Variants in CFAP20DC observed in about 807,000 individuals in gnomAD.
The protein encoded by CFAP20DC is protein CFAP20DC.
A neutral mutation model predicts 101.7 loss-of-function variants in CFAP20DC; 84 were observed. The ratio of observed to expected loss-of-function variants is 0.83; its 90% CI spans 0.69 to 0.99. The LOEUF is 0.99. Among genes scored for constraint, CFAP20DC ranks in the 50% least tolerant of loss-of-function variants. The pLI is 0.00. For synonymous variants in CFAP20DC, 359 were observed against 351.2 expected, an observed-to-expected ratio of 1.02 and a Z score of -0.25; for missense variants, 1,007 against 970.3, an observed-to-expected ratio of 1.04 and a Z score of -0.50.
rs528186680 is a variant in CFAP20DC, at chr3:58,761,842, C to T, written c.2238-7979G>A. ...GTTGTTCAGTTTCCATGTAGTTGAGCGGTTTTGAGTGAGTTTCTTAATCCT... is the reference window on the plus strand; with the variant it reads ...GTTGTTCAGTTTCCATGTAGTTGAGTGGTTTTGAGTGAGTTTCTTAATCCT... On this transcript the variant is annotated intron_variant, in intron 15 of 16. Coordinates refer to ENST00000482387, the MANE Select transcript of CFAP20DC (RefSeq NM_001394063.1). Among the ~76,000 whole-genome samples the T allele has an allele frequency of 1.5e-3, 221 of 152,066 alleles. 1 individual carries two copies. The highest frequency in any genetic ancestry group is 0.014 in the Middle Eastern group (4 of 294).
chr3:58,946,335 T>G (rs1362504152), intron 4 of CFAP20DC, among the ~76,000 whole-genome samples: 1 of 151,964 alleles, frequency 6.6e-6, no homozygotes, highest in Non-Finnish European at 1.5e-5. Flanking sequence ...CAGGCTGGTC[T>G]CGAACTCCTG....
Position 58,914,242 on chromosome 3 carries a change from C to T in CFAP20DC, c.394-378G>A, listed in dbSNP as rs75182691. Reference sequence around the variant, plus strand: ...GTAGCCAATTGTTCCTTCAAGGGGACTAATTTGATCACAATTAGCCACTCG... The same window carrying T: ...GTAGCCAATTGTTCCTTCAAGGGGATTAATTTGATCACAATTAGCCACTCG... On this transcript the variant is annotated intron_variant, in intron 5 of 16. Coordinates refer to ENST00000482387, the MANE Select transcript of CFAP20DC (RefSeq NM_001394063.1). The surrounding 1 kb of genome is among the most constrained non-coding windows in gnomAD (Gnocchi z 4.9). Among the ~76,000 whole-genome samples, 31 of 152,200 alleles carry T rather than the reference C, an allele frequency of 2.0e-4. No homozygotes were observed. The highest frequency in any genetic ancestry group is 7.5e-4 in the African/African-American group (31 of 41,528).
chr3:58,946,096 G>T (rs2089317340), intron 4 of CFAP20DC, among the ~76,000 whole-genome samples: 1 of 149,190 alleles, frequency 6.7e-6, no homozygotes, highest in Admixed American at 6.7e-5. Context: ...TCTTTTACTG[G>T]TTTCTCAACT....
chr3:58,862,435 G>A (rs1460759254), intron 12 of CFAP20DC: 2 of 985,164 alleles, frequency 2.0e-6, no homozygotes, highest in Non-Finnish European at 1.2e-6. Flanking sequence ...CACTATTTAT[G>A]TATAAAAGGA....
chr3:58,782,377 C>A (rs1453512185), intron 15 of CFAP20DC, among the ~76,000 whole-genome samples: 2 of 151,954 alleles, frequency 1.3e-5, no homozygotes, highest in Admixed American at 6.6e-5. Context: ...TAGAACAAGA[C>A]AAGGATGCCC....
At chr3:59,005,631 T>C (rs1235695990) in intron 4 of CFAP20DC, among the ~76,000 whole-genome samples, 2 of 152,208 alleles carry the variant, frequency 1.3e-5, no homozygotes, top group Non-Finnish European at 1.5e-5. Context: ...ACTGATAACA[T>C]CTTGCTTAAT....
chr3:58,732,883 C>T lies in CFAP20DC; in HGVS notation c.198-15255G>A, dbSNP rs560671166. Among the ~76,000 whole-genome samples the T allele has an allele frequency of 6.6e-6, 1 of 152,272 alleles. No homozygotes were observed. The highest frequency in any genetic ancestry group is 1.9e-4 in the East Asian group (1 of 5,184). On this transcript the variant is annotated intron_variant, in intron 3 of 3. Coordinates refer to the CFAP20DC transcript ENST00000486145. This position sits in a 1 kb window ranked among gnomAD's most constrained non-coding sequence, Gnocchi z 5.4. ...GCTCAGGATAGACATTTGGAGAGAA[C>T]CATTTGTAGGGGATGGCTGACCTTC...
chr3:58,794,458 T>A (rs968879463), intron 15 of CFAP20DC: 1 of 365,734 alleles, frequency 2.7e-6, no homozygotes, highest in African/African-American at 2.1e-5. Flanking sequence ...ACTGTTGACT[T>A]CTATGGTATT....
At chr3:58,814,304 C>A (rs1234137653) in intron 14 of CFAP20DC, among the ~76,000 whole-genome samples, 1 of 151,896 alleles carries the variant, frequency 6.6e-6, no homozygotes, top group Admixed American at 6.6e-5. Context: ...CTCAGCCCCT[C>A]CTTGCTTTAG....
chr3:58,804,065 T>A (rs1411080790), intron 15 of CFAP20DC, among the ~76,000 whole-genome samples: 1 of 152,232 alleles, frequency 6.6e-6, no homozygotes, highest in Non-Finnish European at 1.5e-5. Flanking sequence ...AGTAGTGTGA[T>A]CCTTCAATGG....
In CFAP20DC at chr3:58,869,803, T is replaced by A. The variant is rs1328213698; in HGVS notation, c.853-313A>T. Among the ~76,000 whole-genome samples, 1 of 152,110 alleles carries A rather than the reference T, an allele frequency of 6.6e-6. No homozygotes were observed. The highest frequency in any genetic ancestry group is 6.5e-5 in the Admixed American group (1 of 15,280). On this transcript the variant is annotated intron_variant, in intron 8 of 16. Transcript: ENST00000482387. The surrounding 1 kb of genome is among the most constrained non-coding windows in gnomAD (Gnocchi z 4.3). ...CGTATGTCAGAAATTCGGAGGAAAT[T>A]AAAAATAAAAAACCTAACATTTGAG... is the stretch of plus-strand genomic sequence containing the variant.
At chr3:58,915,773 C>A (rs1319665088) in intron 5 of CFAP20DC, among the ~76,000 whole-genome samples, 1 of 152,168 alleles carries the variant, frequency 6.6e-6, no homozygotes, top group South Asian at 2.1e-4. Flanking sequence ...AAGTTTGATA[C>A]GAAATACAGT....
chr3:58,880,178 C>T (rs1463453008), intron 7 of CFAP20DC, among the ~76,000 whole-genome samples: 1 of 152,098 alleles, frequency 6.6e-6, no homozygotes, highest in African/African-American at 2.4e-5. Flanking sequence ...AAGTAAAAGT[C>T]TTTTCTCACT....
chr3:58,807,044 T>A (rs2074134113), intron 14 of CFAP20DC, among the ~76,000 whole-genome samples: 1 of 152,084 alleles, frequency 6.6e-6, no homozygotes, highest in Non-Finnish European at 1.5e-5. Flanking sequence ...CCAGACTTGC[T>A]TAGGTAAACA....
intron 14 of CFAP20DC, among the ~76,000 whole-genome samples, chr3:58,829,843 C>T (rs58328499): frequency 0.057 from 8,604 of 152,192 alleles, 524 homozygotes; most frequent in East Asian, 0.35. Context: ...CTCAGCTTGC[C>T]CTTTGTAATG....
chr3:58,845,174 G>C (rs1043871122), intron 13 of CFAP20DC, among the ~76,000 whole-genome samples: 3 of 151,168 alleles, frequency 2.0e-5, no homozygotes, highest in Admixed American at 6.6e-5. Flanking sequence ...GAGCAGAACT[G>C]AAGGAAATAG....
chr3:58,773,924 TC>T (rs1156813981), intron 15 of CFAP20DC, among the ~76,000 whole-genome samples: 1 of 152,034 alleles, frequency 6.6e-6, no homozygotes, highest in African/African-American at 2.4e-5. Flanking sequence ...ATAGACTTTT[TC>T]CATTTTAGGA....
chr3:59,029,788 G>T (rs1310538158), intron 4 of CFAP20DC, among the ~76,000 whole-genome samples: 1 of 152,214 alleles, frequency 6.6e-6, no homozygotes, highest in African/African-American at 2.4e-5. Context: ...GCAGGCAAAT[G>T]TGATGGTGGT....
At chr3:58,761,914 A>C (rs2069648106) in intron 15 of CFAP20DC, among the ~76,000 whole-genome samples, 1 of 152,004 alleles carries the variant, frequency 6.6e-6, no homozygotes, top group Non-Finnish European at 1.5e-5. Context: ...GTTTGTTATA[A>C]TTTCTGTTCT....
Sources: gnomAD v4.1 joint callset for allele counts (sites outside exome capture counted in the v4.1 genomes callset) on GRCh38, gnomAD v4.1.1 for gene constraint, Gnocchi (gnomAD v3.1) non-coding constraint, MANE v1.5 for transcripts, NCBI Gene and HGNC (gene_info 2026-07-23, HGNC 2026-07-21) for gene names.